ITGA4: variants seen among roughly 807,000 people sequenced by gnomAD.
The protein encoded by ITGA4 is integrin subunit alpha 4.
Under a neutral mutation model 133.6 loss-of-function variants are expected in ITGA4, and 63 were observed. That is an observed-to-expected ratio of 0.47 (90% CI 0.38 to 0.58). The LOEUF (loss-of-function observed/expected upper bound fraction) is 0.58, where lower values mean the gene tolerates loss of function less well. Among genes scored for constraint, ITGA4 ranks in the 20% least tolerant of loss-of-function variants. ITGA4 has a pLI of 0.00. For synonymous variants in ITGA4, 483 were observed against 438.0 expected (o/e 1.10, Z -1.28); for missense variants, 1,076 against 1,252.7 (o/e 0.86, Z 2.13).
chr2:181,498,911 G>T, intron 15 of ITGA4, 134 bp downstream of exon 15: 1 of 1,330,700 alleles, frequency 7.5e-7, no homozygotes. Flanking sequence ...ATGACCTGTT[G>T]CTCCAGTTAA....
At position 181,522,203 on chromosome 2, in the gene ITGA4, T is replaced by C. The variant is rs199617908; in HGVS notation, c.1935T>C (p.Asn645=). 1 of 1,577,992 alleles carries C rather than the reference T, an allele frequency of 6.3e-7. No homozygotes were observed. The highest frequency in any genetic ancestry group is 1.2e-5 in the South Asian group (1 of 85,314). ...AKIGFLKPHE[N]KTYLAVGSMK... ...ACTTAATTTTTAGGCCCCATGAAAA[T>C]AAAACATATCTTGCTGTTGGGAGTA... The change falls in exon 18 of 28, where the codon AAT becomes AAC. Residue 645 remains asparagine, a synonymous_variant. Transcript: ENST00000397033.
chr2:181,497,457 A>G (rs1270985157), intron 14 of ITGA4, among the ~76,000 whole-genome samples: 1 of 152,112 alleles, frequency 6.6e-6, no homozygotes, highest in African/African-American at 2.4e-5. Flanking sequence ...ACTCAGGGCA[A>G]TGAACTTGTA....
chr2:181,534,515 T>C (rs2105774906), intron 26 of ITGA4, 145 bp downstream of exon 26: 1 of 650,544 alleles, frequency 1.5e-6, no homozygotes, highest in Middle Eastern at 3.1e-4. Flanking sequence ...GGTTGAGAGT[T>C]GGCATTTTCC....
intron 17 of ITGA4, among the ~76,000 whole-genome samples, chr2:181,518,556 A>G (rs1009496426): frequency 5.9e-5 from 9 of 151,824 alleles, no homozygotes; most frequent in African/African-American, 1.9e-4. Flanking sequence ...TTACTCATCA[A>G]TTGGATTGCT....
chr2:181,493,042 C>T (rs1441756899), intron 10 of ITGA4: 3 of 264,282 alleles, frequency 1.1e-5, no homozygotes, highest in Non-Finnish European at 2.1e-5. Context: ...TGGCAGAGCT[C>T]GGATCAGACC....
intron 6 of ITGA4, among the ~76,000 whole-genome samples, 181 bp downstream of exon 6, chr2:181,480,447 T>C (rs530474600): frequency 6.6e-6 from 1 of 152,228 alleles, no homozygotes; most frequent in East Asian, 1.9e-4. Flanking sequence ...GAACTCAGTA[T>C]TTTACATTTA....
intron 11 of ITGA4, among the ~76,000 whole-genome samples, 160 bp downstream of exon 11, chr2:181,493,579 G>A (rs1686100147): frequency 6.6e-6 from 1 of 152,086 alleles, no homozygotes; most frequent in African/African-American, 2.4e-5. Flanking sequence ...TATTTTAAGG[G>A]ATTAATAACT....
chr2:181,494,652 G>C, intron 11 of ITGA4, 70 bp from the exon 12 acceptor site: 1 of 826,436 alleles, frequency 1.2e-6, no homozygotes, highest in Non-Finnish European at 2.1e-6. Flanking sequence ...TCATTATTTA[G>C]CTAAATCATT....
At chr2:181,506,241 C>A (rs1349774627) in intron 15 of ITGA4, among the ~76,000 whole-genome samples, 1 of 152,094 alleles carries the variant, frequency 6.6e-6, no homozygotes, top group Non-Finnish European at 1.5e-5. Context: ...TCACCAGAAT[C>A]TCCTATTCTA....
chr2:181,467,284 A>T (rs181663606), intron 2 of ITGA4, among the ~76,000 whole-genome samples: 281 of 152,240 alleles, frequency 1.8e-3, no homozygotes, highest in Middle Eastern at 3.4e-3. Context: ...GAAACTTCAC[A>T]TCACATCATG....
chr2:181,478,479 A>G (rs1685732208), intron 4 of ITGA4, among the ~76,000 whole-genome samples: 1 of 152,030 alleles, frequency 6.6e-6, no homozygotes, highest in Non-Finnish European at 1.5e-5. Flanking sequence ...AAAATCACAA[A>G]TCCTACCTCT....
At chr2:181,476,494 C>T (rs1218798866) in intron 4 of ITGA4, among the ~76,000 whole-genome samples, 1 of 152,062 alleles carries the variant, frequency 6.6e-6, no homozygotes, top group African/African-American at 2.4e-5. Flanking sequence ...GCTGTGGTTC[C>T]AATTCTTATT....
intron 24 of ITGA4, among the ~76,000 whole-genome samples, chr2:181,531,257 T>G (rs2105772253): frequency 6.6e-6 from 1 of 152,340 alleles, no homozygotes; most frequent in South Asian, 2.1e-4. Context: ...TGGGTTAATT[T>G]TCATTCTTTT....
intron 2 of ITGA4, among the ~76,000 whole-genome samples, chr2:181,461,157 A>G (rs1685266239): frequency 6.7e-6 from 1 of 149,106 alleles, no homozygotes; most frequent in Admixed American, 6.7e-5. Flanking sequence ...AAGGTGTCCC[A>G]TATGGTATAT....
At chr2:181,499,866 A>G (rs1216672095) in intron 15 of ITGA4, among the ~76,000 whole-genome samples, 6 of 152,234 alleles carry the variant, frequency 3.9e-5, no homozygotes, top group African/African-American at 1.2e-4. Flanking sequence ...AAGGGCCAAC[A>G]TTAGATGTTC....
intron 17 of ITGA4, among the ~76,000 whole-genome samples, chr2:181,519,163 AAT>A (rs1201566398): frequency 6.6e-6 from 1 of 152,146 alleles, no homozygotes; most frequent in Non-Finnish European, 1.5e-5. Flanking sequence ...TACATGTACC[AAT>A]ATGTTAATCT....
chr2:181,505,650 T>C (rs1686378383), intron 15 of ITGA4, among the ~76,000 whole-genome samples: 1 of 152,138 alleles, frequency 6.6e-6, no homozygotes, highest in African/African-American at 2.4e-5. Flanking sequence ...TAAAGTTAAA[T>C]AAGTGTGAAT....
rs568386892 is a variant in ITGA4 at position 181,523,385 on chromosome 2, A to G, written c.2074-52A>G. ...ATAACCATCCTTAAACATATGTTACAAACTTTTTATTTCCTTCCTGTCCAA... is the reference window on the plus strand; with the variant it reads ...ATAACCATCCTTAAACATATGTTACGAACTTTTTATTTCCTTCCTGTCCAA... On this transcript the variant is annotated intron_variant, in intron 18 of 27. Coordinates refer to ENST00000397033, the MANE Select transcript of ITGA4 (RefSeq NM_000885.6). This position sits in a 1 kb window ranked among gnomAD's most constrained non-coding sequence, Gnocchi z 4.2. The G allele has an allele frequency of 1.9e-5, 21 of 1,087,478 alleles. No individual in the cohort carries two copies. The African/African-American group carries it at 3.3e-4, about 17-fold the overall frequency. The allele number at this position is 1,087,478 out of a possible 1,614,324, so 67.4% of individuals were successfully genotyped here.
At chr2:181,499,097 A>G (rs1396767422) in intron 15 of ITGA4, among the ~76,000 whole-genome samples, 1 of 152,168 alleles carries the variant, frequency 6.6e-6, no homozygotes, top group Non-Finnish European at 1.5e-5. Context: ...CAGTAGCTCA[A>G]CTGAGCCTCA....
Sources: gnomAD v4.1 joint callset for allele counts (sites outside exome capture counted in the v4.1 genomes callset) on GRCh38, gnomAD v4.1.1 for gene constraint, Gnocchi (gnomAD v3.1) non-coding constraint, MANE v1.5 for transcripts, NCBI Gene and HGNC (gene_info 2026-07-23, HGNC 2026-07-21) for gene names.